Variants in CCNYL1 observed in about 807,000 individuals in gnomAD.
CCNYL1 encodes the protein cyclin-Y-like protein 1.
In CCNYL1, 16 loss-of-function variants were observed where a neutral mutation model predicts 44.2. The ratio of observed to expected loss-of-function variants is 0.36; its 90% confidence interval spans 0.25 to 0.55. The LOEUF (loss-of-function observed/expected upper bound fraction) is 0.55. CCNYL1 is among the 20% of genes least tolerant of loss of function. The pLI is 0.85. For synonymous variants in CCNYL1, 159 were observed against 163.2 expected, an observed-to-expected ratio of 0.97 and a Z score of 0.20; for missense variants, 348 against 451.8, an observed-to-expected ratio of 0.77 and a Z score of 2.08.
chr2:207,717,171 T>A (rs2091603700), intron 1 of CCNYL1, among the ~76,000 whole-genome samples: 2 of 152,022 alleles, frequency 1.3e-5, no homozygotes, highest in Non-Finnish European at 2.9e-5. Context: ...TTCCCTGGAC[T>A]TTAGAATTCA....
chr2:207,716,574 C>T lies in CCNYL1; in HGVS notation c.220+4458C>T, dbSNP rs564143614. 1.0e-3 allele frequency among the ~76,000 whole-genome samples: 153 copies of T among 152,292 alleles called. 1 individual carries two copies. Among genetic ancestry groups the T allele is most frequent in the African/African-American group, 3.4e-3 (143 of 41,566 alleles). On this transcript the variant is annotated intron_variant, in intron 1 of 9. Coordinates refer to ENST00000295414, the MANE Select transcript of CCNYL1 (RefSeq NM_001330218.2). Reference sequence around the variant, plus strand: ...AGATATCTTTCCATGCCAGGACACCCTGCTCTATCGCATGCCTTCTAGTAA... The same window carrying T: ...AGATATCTTTCCATGCCAGGACACCTTGCTCTATCGCATGCCTTCTAGTAA...
At chr2:207,712,365 G>A (rs1216503522) in intron 1 of CCNYL1, among the ~76,000 whole-genome samples, 1 of 152,210 alleles carries the variant, frequency 6.6e-6, no homozygotes, top group African/African-American at 2.4e-5. Flanking sequence ...AGCCGGCGTG[G>A]GACCCTCTAG....
chr2:207,740,307 C>A (rs113369126), intron 5 of CCNYL1, among the ~76,000 whole-genome samples: 1 of 152,258 alleles, frequency 6.6e-6, no homozygotes, highest in Middle Eastern at 3.4e-3. Flanking sequence ...GAGTTTATTG[C>A]CCACCACTAC....
chr2:207,730,950 C>T (rs951422036), intron 3 of CCNYL1, among the ~76,000 whole-genome samples: 8 of 151,974 alleles, frequency 5.3e-5, no homozygotes, highest in Non-Finnish European at 8.8e-5. Flanking sequence ...AAATTTAGAA[C>T]CTTTATTTAA....
rs751822783 is a variant in CCNYL1, at chr2:207,737,402, C to G, written c.432-9C>G. On this transcript the variant is annotated splice_polypyrimidine_tract_variant and intron_variant, in intron 4 of 9. Transcript: ENST00000295414. ...AGTTGTTAAAAATAATTTTTTTTTC[C>G]CTTCACAGTGTGACCTTAGCAATAT... is the stretch of plus-strand genomic sequence containing the variant. The G allele has an allele frequency of 6.9e-6, 11 of 1,602,080 alleles. No individual in the cohort carries two copies. Among genetic ancestry groups the G allele is most frequent in the Non-Finnish European group, 8.5e-6 (10 of 1,171,662 alleles).
At chr2:207,747,652 G>A (rs1390857902) in intron 8 of CCNYL1, among the ~76,000 whole-genome samples, 1 of 152,160 alleles carries the variant, frequency 6.6e-6, no homozygotes, top group African/African-American at 2.4e-5. Context: ...AGGTTCAAGC[G>A]ATTCTCCTGC....
At chr2:207,737,747 A>G (rs2091776649) in intron 5 of CCNYL1, among the ~76,000 whole-genome samples, 1 of 152,090 alleles carries the variant, frequency 6.6e-6, no homozygotes, top group Non-Finnish European at 1.5e-5. Context: ...CACTGTTGAT[A>G]TTTTGAGCTA....
rs1421090224 is a variant in CCNYL1 at position 207,712,110 on chromosome 2, C to A, written c.214C>A (p.Pro72Thr). ...GCAGCACATCAGCGACCGCGAGATG[C>A]CCGAAGGTAAGGAGGCGGCGGATGC... ...HLQHISDREM[P>T]EDLALESNPS... Residue 72 changes from proline to threonine, a missense_variant, in exon 1 of 10, where the codon CCC becomes ACC. Transcript: ENST00000295414. 4 of 1,598,290 alleles carry A rather than the reference C, an allele frequency of 2.5e-6. No individual in the cohort carries two copies. The highest frequency in any genetic ancestry group is 8.5e-7 in the Non-Finnish European group (1 of 1,173,466).
intron 8 of CCNYL1, among the ~76,000 whole-genome samples, chr2:207,748,648 G>A (rs1197303638): frequency 6.6e-6 from 1 of 152,232 alleles, no homozygotes; most frequent in Non-Finnish European, 1.5e-5. Flanking sequence ...GCAGTGGCAA[G>A]AGTTTGTTTT....
chr2:207,725,766 TG>T (rs1307194611), intron 2 of CCNYL1, among the ~76,000 whole-genome samples: 3 of 152,222 alleles, frequency 2.0e-5, no homozygotes, highest in Non-Finnish European at 4.4e-5. Context: ...TTGTCCTGCT[TG>T]TTTTAGGATG....
chr2:207,716,109 T>A (rs181160809), intron 1 of CCNYL1, among the ~76,000 whole-genome samples: 2 of 152,318 alleles, frequency 1.3e-5, no homozygotes, highest in Non-Finnish European at 2.9e-5. Context: ...CAAAATAAGA[T>A]ACTAAGATCT....
intron 1 of CCNYL1, among the ~76,000 whole-genome samples, chr2:207,715,407 A>G (rs1303725609): frequency 9.2e-6 from 1 of 108,626 alleles, no homozygotes. Context: ...TTTTTGACAG[A>G]GCTTCACTCT....
At chr2:207,740,514 A>T (rs1372994942) in intron 5 of CCNYL1, 141 bp from the exon 6 acceptor site, 1 of 663,076 alleles carries the variant, frequency 1.5e-6, no homozygotes, top group Non-Finnish European at 2.7e-6. Flanking sequence ...CATCCCGGAG[A>T]AGAATTTGTA....
At chr2:207,746,952 G>T in intron 7 of CCNYL1, 95 bp from the exon 8 acceptor site, 1 of 1,009,010 alleles carries the variant, frequency 9.9e-7, no homozygotes, top group South Asian at 1.6e-5. Context: ...TACAGCCTGG[G>T]CAACAAGAGT....
rs888624922 is a variant in CCNYL1, at chr2:207,747,151, C to T, written c.744C>T (p.Asp248=). ...TTCTTCTTGCCTCCAAGGTTTGGGA[C>T]GATCAGGCTGTATGGAATGTGGACT... is the stretch of plus-strand genomic sequence containing the variant. ...GAILLASKVW[D]DQAVWNVDYC... is the part of the protein sequence containing the mutation. Residue 248 remains aspartate (D), a synonymous_variant, in exon 8 of 10, where the codon GAC becomes GAT. Transcript: ENST00000295414. 1.3e-5 allele frequency: 21 copies of T among 1,613,894 alleles called. No homozygotes were observed. The highest frequency in any genetic ancestry group is 2.7e-5 in the African/African-American group (2 of 74,872).
intron 1 of CCNYL1, chr2:207,714,916 A>G (rs1293182184): frequency 1.3e-5 from 2 of 152,280 alleles, no homozygotes; most frequent in African/African-American, 2.4e-5. Flanking sequence ...TTTGCTTTTA[A>G]TATCTTTATT....
At chr2:207,741,480 A>G (rs542392627) in intron 6 of CCNYL1, among the ~76,000 whole-genome samples, 1 of 152,330 alleles carries the variant, frequency 6.6e-6, no homozygotes, top group South Asian at 2.1e-4. Flanking sequence ...TTTAAAAACT[A>G]AAAGTCATGT....
At position 207,735,186 on chromosome 2, in the gene CCNYL1, T is replaced by C. The variant is rs1045627359; in HGVS notation, c.431+1139T>C. Among the ~76,000 whole-genome samples, 7 of 152,340 alleles carry C rather than the reference T, an allele frequency of 4.6e-5. No homozygotes were observed. The South Asian group carries it at 1.4e-3, about 32-fold the overall frequency. On this transcript the variant is annotated intron_variant, in intron 4 of 9. Transcript: ENST00000295414. ...CTTTTGGAAGTACAGTAAGTTTTAA[T>C]TTGTTCTCAGTAAGTTTTAGAAATG...
At chr2:207,749,706 T>A (rs1367946084) in intron 8 of CCNYL1, among the ~76,000 whole-genome samples, 1 of 152,208 alleles carries the variant, frequency 6.6e-6, no homozygotes, top group African/African-American at 2.4e-5. Context: ...ATCAAAACAT[T>A]ATCTGATTTA....
Sources: allele counts gnomAD v4.1 joint callset (sites outside exome capture counted in the v4.1 genomes callset), GRCh38; gene constraint gnomAD v4.1.1; transcripts MANE v1.5; gene names NCBI Gene and HGNC (gene_info 2026-07-23, HGNC 2026-07-21).